Variants in GRIK2 observed in about 807,000 individuals in gnomAD.
The protein encoded by GRIK2 is glutamate receptor ionotropic, kainate 2.
In GRIK2, 32 loss-of-function variants were observed where a neutral mutation model predicts 100.3. That is an observed-to-expected ratio of 0.32 (90% CI 0.24 to 0.43). GRIK2 has a LOEUF of 0.43. Ranked by LOEUF, GRIK2 falls within the 20% of genes least tolerant of loss-of-function variation. GRIK2 has a pLI of 1.00. For missense variants in GRIK2, 843 were observed against 1,114.9 expected, an observed-to-expected ratio of 0.76 and a Z score of 3.47; for synonymous variants, 417 against 389.4, an observed-to-expected ratio of 1.07 and a Z score of -0.83.
chr6:101,422,195 T>C (rs1776443684), intron 2 of GRIK2, among the ~76,000 whole-genome samples: 1 of 152,150 alleles, frequency 6.6e-6, no homozygotes, highest in Non-Finnish European at 1.5e-5. Context: ...GTTCACATAA[T>C]CGGCACAGGT....
chr6:101,855,051 C>G (rs1784353800), intron 10 of GRIK2, among the ~76,000 whole-genome samples: 1 of 152,064 alleles, frequency 6.6e-6, no homozygotes, highest in South Asian at 2.1e-4. Context: ...GATAAAACAA[C>G]AGGTAAAGGG....
intron 11 of GRIK2, among the ~76,000 whole-genome samples, chr6:101,860,467 G>A (rs1459054229): frequency 6.6e-6 from 1 of 152,166 alleles, no homozygotes; most frequent in East Asian, 1.9e-4. Flanking sequence ...GCCTCTCCAT[G>A]GATTCCATGT....
chr6:101,520,040 A>G (rs17816354), intron 2 of GRIK2, among the ~76,000 whole-genome samples: 22,297 of 152,114 alleles, frequency 0.15, 1,846 homozygotes, highest in Admixed American at 0.19. Context: ...TGGAAGACAT[A>G]GATTGTCTCA....
At chr6:101,790,126 T>G (rs1391718098) in intron 7 of GRIK2, among the ~76,000 whole-genome samples, 1 of 152,208 alleles carries the variant, frequency 6.6e-6, no homozygotes, top group Admixed American at 6.5e-5. Flanking sequence ...TGGGGTTTTC[T>G]AGATATACAA....
chr6:101,631,355 A>G (rs1042627085), intron 4 of GRIK2, among the ~76,000 whole-genome samples: 2 of 152,152 alleles, frequency 1.3e-5, no homozygotes, highest in South Asian at 4.1e-4. Flanking sequence ...CAGTCCATTA[A>G]CAAAAAAACT....
At chr6:101,890,889 A>G (rs114885739) in intron 12 of GRIK2, among the ~76,000 whole-genome samples, 2,721 of 151,622 alleles carry the variant, frequency 0.018, 96 homozygotes, top group African/African-American at 0.062. Flanking sequence ...ACGTTTTTTT[A>G]AATATCAAAA....
At chr6:101,931,648 A>G (rs1299038389) in intron 14 of GRIK2, among the ~76,000 whole-genome samples, 8 of 63,612 alleles carry the variant, frequency 1.3e-4, no homozygotes, top group Non-Finnish European at 1.9e-4. Flanking sequence ...ATTATCTTCA[A>G]GAAAAATTCT....
intron 14 of GRIK2, among the ~76,000 whole-genome samples, chr6:101,930,356 A>T (rs80182493): frequency 1.3e-5 from 2 of 149,596 alleles, no homozygotes; most frequent in African/African-American, 5.0e-5. Context: ...AAAAAAAAAT[A>T]AAATAAAATA....
chr6:101,644,479 C>T (rs1781428252), intron 4 of GRIK2, among the ~76,000 whole-genome samples: 1 of 151,628 alleles, frequency 6.6e-6, no homozygotes, highest in Non-Finnish European at 1.5e-5. Flanking sequence ...GACTGAAAAT[C>T]AGAGCATATA....
intron 2 of GRIK2, among the ~76,000 whole-genome samples, chr6:101,421,339 C>A (rs1776402672): frequency 6.6e-6 from 1 of 152,186 alleles, no homozygotes; most frequent in Admixed American, 6.5e-5. Flanking sequence ...CTGCCTTTAG[C>A]ATCGTAGAAG....
chr6:101,401,763 A>T (rs1775317765), intron 2 of GRIK2, among the ~76,000 whole-genome samples: 1 of 152,152 alleles, frequency 6.6e-6, no homozygotes, highest in South Asian at 2.1e-4. Flanking sequence ...GAGAATGGTT[A>T]TTTTCAACTT....
At chr6:101,401,012 G>GT (rs2128235633) in intron 2 of GRIK2, among the ~76,000 whole-genome samples, 1 of 152,168 alleles carries the variant, frequency 6.6e-6, no homozygotes, top group East Asian at 1.9e-4. Flanking sequence ...GTGCATGTGT[G>GT]TTTTTTGTGT....
At chr6:102,055,289 C>T in intron 15 of GRIK2, 41 bp from the exon 16 acceptor site, 1 of 1,491,030 alleles carries the variant, frequency 6.7e-7, no homozygotes, top group Non-Finnish European at 9.2e-7. Flanking sequence ...TATGAAATTT[C>T]AGGTTCCTTG....
At chr6:101,580,421 T>C (rs1778019544) in intron 2 of GRIK2, among the ~76,000 whole-genome samples, 1 of 152,156 alleles carries the variant, frequency 6.6e-6, no homozygotes, top group Admixed American at 6.6e-5. Context: ...CAGCTCTACC[T>C]TACAGTTATG....
chr6:101,882,877 A>G (rs919216321), intron 11 of GRIK2, among the ~76,000 whole-genome samples: 3 of 152,076 alleles, frequency 2.0e-5, no homozygotes, highest in African/African-American at 7.2e-5. Context: ...TGACATAACC[A>G]TATGCGGTAA....
Position 101,399,186 on chromosome 6 carries a change from C to T in GRIK2, c.-92C>T, listed in dbSNP as rs1775143043. ...ACCATGCCGTGATCGTGTCTGCGGT[C>T]ACCACTCGACGCATCCTCATTTCTA... On this transcript the variant is annotated 5_prime_UTR_variant, in exon 2 of 17. Transcript: ENST00000369134. 5.4e-6 allele frequency: 4 copies of T among 747,400 alleles called. No individual in the cohort carries two copies. In the Admixed American group the frequency reaches 7.1e-5, roughly 13 times the overall value. 46.3% of individuals were successfully genotyped at this position (747,400 alleles called of 1,614,324 possible).
chr6:101,565,709 C>T (rs1777223112), intron 2 of GRIK2, among the ~76,000 whole-genome samples: 1 of 151,566 alleles, frequency 6.6e-6, no homozygotes, highest in African/African-American at 2.4e-5. Context: ...ATGCAGTTGA[C>T]CCTTGAACAA....
chr6:101,838,644 A>G (rs1373183970), intron 10 of GRIK2, among the ~76,000 whole-genome samples: 1 of 147,448 alleles, frequency 6.8e-6, no homozygotes, highest in African/African-American at 2.6e-5. Context: ...TTTTCACTCT[A>G]TTAATACAAC....
intron 2 of GRIK2, among the ~76,000 whole-genome samples, chr6:101,564,925 G>C (rs1777182296): frequency 6.6e-6 from 1 of 152,096 alleles, no homozygotes; most frequent in South Asian, 2.1e-4. Context: ...GTGAGGGAAT[G>C]GAGCCTCATG....
Sources: allele counts gnomAD v4.1 joint callset (sites outside exome capture counted in the v4.1 genomes callset), GRCh38; gene constraint gnomAD v4.1.1; transcripts MANE v1.5; gene names NCBI Gene and HGNC (gene_info 2026-07-23, HGNC 2026-07-21).